The following DPM2 variants were observed in gnomAD, a reference collection of about 807,000 sequenced individuals.
DPM2 encodes the protein dolichol phosphate-mannose biosynthesis regulatory protein.
Under a neutral mutation model 12.1 loss-of-function variants are expected in DPM2, and 8 were observed. The ratio of observed to expected loss-of-function variants is 0.66; its 90% CI spans 0.39 to 1.19. The LOEUF (loss-of-function observed/expected upper bound fraction) is 1.19, where lower values mean the gene tolerates loss of function less well. Among genes scored for constraint, DPM2 ranks in the 50% most tolerant of loss-of-function variants. The pLI, the probability that DPM2 is intolerant of heterozygous loss-of-function variation, is 0.01. For synonymous variants in DPM2, 38 were observed against 44.7 expected (o/e 0.85, Z 0.60); for missense variants, 93 against 102.5 (o/e 0.91, Z 0.40).
intron 2 of DPM2, chr9:127,936,945 T>G: frequency 5.4e-6 from 2 of 367,028 alleles, no homozygotes; most frequent in Non-Finnish European, 9.7e-6. Flanking sequence ...CAAATGGTAC[T>G]TGAGGAATCC....
At chr9:127,936,454 GC>G in intron 3 of DPM2, 98 bp downstream of exon 3, 1 of 1,610,506 alleles carries the variant, frequency 6.2e-7, no homozygotes, top group Non-Finnish European at 8.5e-7. Context: ...TGAGTTCGGG[GC>G]AAGCAGCTTC....
intron 3 of DPM2, chr9:127,936,024 G>T: frequency 1.7e-6 from 1 of 595,532 alleles, no homozygotes; most frequent in Non-Finnish European, 3.0e-6. Context: ...ATTCCAAGGG[G>T]AACAAGATCC....
chr9:127,936,141 C>A, intron 3 of DPM2: 1 of 782,830 alleles, frequency 1.3e-6, no homozygotes, highest in Non-Finnish European at 2.0e-6. Flanking sequence ...ATCATCCAGG[C>A]ACCCGGCTGT....
intron 2 of DPM2, 181 bp from the exon 3 acceptor site, chr9:127,936,836 G>T: frequency 1.9e-6 from 1 of 528,872 alleles, no homozygotes; most frequent in East Asian, 3.5e-5. Context: ...TTTCTTATTG[G>T]TATTTACCGG....
chr9:127,937,813 C>G lies in DPM2; in HGVS notation c.3+5G>C. ...CCTATCTCCGGCACACGGTGCCAAT[C>G]TCACCATTTCCCCGCGCGCTCAGCC... On this transcript the variant is annotated splice_donor_5th_base_variant and intron_variant, in intron 1 of 3. Coordinates refer to ENST00000314392, the MANE Select transcript of DPM2 (RefSeq NM_003863.4). 2 of 1,607,908 alleles carry G rather than the reference C, an allele frequency of 1.2e-6. No individual in the cohort carries two copies. Among genetic ancestry groups the G allele is most frequent in the Non-Finnish European group, 1.7e-6 (2 of 1,176,864 alleles).
chr9:127,936,216 A>G, intron 3 of DPM2: 3 of 1,312,798 alleles, frequency 2.3e-6, no homozygotes, highest in Non-Finnish European at 3.1e-6. Flanking sequence ...CTAGATGTGC[A>G]GTAATGATGG....
At position 127,936,773 on chromosome 9, in the gene DPM2, G is replaced by A. The variant is rs760946569; in HGVS notation, c.94-118C>T. The A allele has an allele frequency of 6.8e-6, 6 of 883,770 alleles. No homozygotes were observed. In the East Asian group the frequency reaches 1.9e-4, roughly 28 times the overall value. 54.7% of individuals were successfully genotyped at this position (883,770 alleles called of 1,614,324 possible). A position where few individuals can be genotyped will look rare whatever the true frequency, so the allele number is the denominator to read the frequency against. ...CATTCAGAGGACTGGGACTGCATTT[G>A]CTTTTCTTTAAGATTACGGCATTTG... On this transcript the variant is annotated intron_variant, in intron 2 of 3. Coordinates refer to ENST00000314392, the MANE Select transcript of DPM2 (RefSeq NM_003863.4).
intron 3 of DPM2, 82 bp downstream of exon 3, chr9:127,936,471 C>T: frequency 6.2e-7 from 1 of 1,610,804 alleles, no homozygotes; most frequent in African/African-American, 1.3e-5. Context: ...GCTTCCAGCA[C>T]CGCCAAAGTG....
In DPM2 at chr9:127,937,353, G is replaced by A. The variant is rs542427114; in HGVS notation, c.93+81C>T. 2.0e-5 allele frequency: 22 copies of A among 1,076,522 alleles called. No homozygotes were observed. In the South Asian group the frequency reaches 2.7e-4, roughly 13 times the overall value. The allele number at this position is 1,076,522 out of a possible 1,614,324, so 66.7% of individuals were successfully genotyped here. A position where few individuals can be genotyped will look rare whatever the true frequency, so the allele number is the denominator to read the frequency against. On this transcript the variant is annotated intron_variant, in intron 2 of 3. Coordinates refer to ENST00000314392, the MANE Select transcript of DPM2 (RefSeq NM_003863.4). ...TGAGGCAGGCAATGAAGCCAGCGCC[G>A]TGCCTAGAGCCTATATAGTAGTTGC...
rs1349389319 is a variant in DPM2, at chr9:127,937,489, AG to A, written c.37del (p.Leu13SerfsTer6). ...TGTDQVVGLG[L>X]VAVSLIIFTY... Reference sequence around the variant, plus strand: ...GAAGATGATCAGGCTAACGGCGACGAGGCCGAGTCCCACCACCTGGTCTGTC... The same window carrying A: ...GAAGATGATCAGGCTAACGGCGACGAGCCGAGTCCCACCACCTGGTCTGTC... On this transcript the variant is annotated frameshift_variant, in exon 2 of 4. Transcript: ENST00000314392. LOFTEE classifies it high-confidence loss of function. 1 of 1,614,062 alleles carries A rather than the reference AG, an allele frequency of 6.2e-7. No homozygotes were observed. The highest frequency in any genetic ancestry group is 8.5e-7 in the Non-Finnish European group (1 of 1,179,924).
At chr9:127,936,112 CCCACCCATCCAT>C in intron 3 of DPM2, 1 of 637,210 alleles carries the variant, frequency 1.6e-6, no homozygotes, top group Middle Eastern at 4.3e-4. Flanking sequence ...ACCTCACCCA[CCCACCCATCCAT>C]CCACCCATCA....
At position 127,935,627 on chromosome 9, in the gene DPM2, A is replaced by C; in HGVS notation, c.*95T>G. The C allele has an allele frequency of 7.6e-7, 1 of 1,311,948 alleles. No homozygotes were observed. Among genetic ancestry groups the C allele is most frequent in the Non-Finnish European group, 1.1e-6 (1 of 923,592 alleles). 81.3% of individuals were successfully genotyped at this position (1,311,948 alleles called of 1,614,324 possible). The stretch of plus-strand genomic sequence containing the variant: ...GCAGGACAGGCAGGCTTGAGGAGCC[A>C]CTGTGCCTGGACAGGTTCTGCAGGC... On this transcript the variant is annotated 3_prime_UTR_variant, in exon 4 of 4. Transcript: ENST00000314392.
Position 127,935,663 on chromosome 9 carries a change from G to A in DPM2, c.*59C>T. The A allele has an allele frequency of 6.3e-7, 1 of 1,581,582 alleles. No individual in the cohort carries two copies. The highest frequency in any genetic ancestry group is 8.7e-7 in the Non-Finnish European group (1 of 1,154,286). On this transcript the variant is annotated 3_prime_UTR_variant, in exon 4 of 4. Coordinates refer to ENST00000314392, the MANE Select transcript of DPM2 (RefSeq NM_003863.4). ...ACAGGTTCTGCAGGCTCCCCCACTT[G>A]GTCCCTGTGCTGGAGGGGAAGCAGA...
chr9:127,937,639 G>C, intron 1 of DPM2, 116 bp from the exon 2 acceptor site: 2 of 1,177,276 alleles, frequency 1.7e-6, no homozygotes, highest in Admixed American at 1.9e-5. Context: ...GATGGTAGAG[G>C]GCTGACTAGG....
Position 127,936,673 on chromosome 9 carries a change from G to A in DPM2, c.94-18C>T, listed in dbSNP as rs577196007. 4.0e-6 allele frequency: 6 copies of A among 1,482,758 alleles called. No homozygotes were observed. The South Asian group carries it at 8.4e-5, about 21-fold the overall frequency. 91.9% of individuals were successfully genotyped at this position (1,482,758 alleles called of 1,614,324 possible). ...ATGAATGGCTGGCATCGAGGGAAGA[G>A]CTCTGGTGTGTCTTGCTTGCCTTGC... On this transcript the variant is annotated intron_variant, in intron 2 of 3. Transcript: ENST00000314392.
At position 127,936,603 on chromosome 9, in the gene DPM2, T is replaced by C. The variant is rs779093563; in HGVS notation, c.146A>G (p.Tyr49Cys). Residue 49 changes from tyrosine (Y) to cysteine (C), a missense_variant, in exon 3 of 4, where the codon TAT (tyrosine) becomes TGT (cysteine). By Grantham distance (194) the Tyr-to-Cys change is radical. Transcript: ENST00000314392. ...VIHKYFLPRAYAVAIPLAAGL... is the reference protein window; with the variant it reads ...VIHKYFLPRACAVAIPLAAGL... ...TGCAGCCAGTGGGATGGCGACAGCATAGGCTCGGGGCAGGAAATACTTGTG... is the reference window on the plus strand; with the variant it reads ...TGCAGCCAGTGGGATGGCGACAGCACAGGCTCGGGGCAGGAAATACTTGTG... The C allele has an allele frequency of 3.0e-5, 47 of 1,543,194 alleles. No individual in the cohort carries two copies. Among genetic ancestry groups the C allele is most frequent in the Non-Finnish European group, 3.8e-5 (44 of 1,143,264 alleles).
In DPM2 at chr9:127,937,712, G is replaced by A. The variant is rs964445025; in HGVS notation, c.3+106C>T. The A allele has an allele frequency of 4.8e-6, 7 of 1,450,486 alleles. No homozygotes were observed. The African/African-American group carries it at 8.4e-5, about 17-fold the overall frequency. 89.9% of individuals were successfully genotyped at this position (1,450,486 alleles called of 1,614,324 possible). A position where few individuals can be genotyped will look rare whatever the true frequency, so the allele number is the denominator to read the frequency against. Reference sequence around the variant, plus strand: ...GCGTTGTCGTCCGTACAATAGTGGGGGCGGGAGAGCAATCCCCGTTCCAAG... The same window carrying A: ...GCGTTGTCGTCCGTACAATAGTGGGAGCGGGAGAGCAATCCCCGTTCCAAG... On this transcript the variant is annotated intron_variant, in intron 1 of 3. Coordinates refer to ENST00000314392, the MANE Select transcript of DPM2 (RefSeq NM_003863.4).
At chr9:127,936,131 A>G (rs1162988026) in intron 3 of DPM2, 8 of 696,874 alleles carry the variant, frequency 1.1e-5, no homozygotes, top group Non-Finnish European at 1.8e-5. Context: ...CCATCCACCC[A>G]TCATCCAGGC....
intron 3 of DPM2, 52 bp downstream of exon 3, chr9:127,936,501 G>C (rs1013663407): frequency 1.9e-6 from 3 of 1,605,988 alleles, no homozygotes; most frequent in Admixed American, 3.4e-5. Flanking sequence ...GTTCAGAGGT[G>C]GGGTCTTCCC....
Sources: allele counts gnomAD v4.1 joint callset, GRCh38; gene constraint gnomAD v4.1.1; transcripts MANE v1.5; gene names NCBI Gene and HGNC (gene_info 2026-07-23, HGNC 2026-07-21).